The following SDK2 variants were observed in gnomAD, a reference collection of about 807,000 sequenced individuals.
SDK2 encodes the protein protein sidekick-2.
SDK2 carries 105 observed loss-of-function variants against 253.9 expected under a neutral mutation model. The observed-to-expected ratio is 0.41, with a 90% confidence interval of 0.35 to 0.49. The LOEUF is 0.49. Ranked by LOEUF, SDK2 falls within the 20% of genes least tolerant of loss-of-function variation. The pLI, the probability that SDK2 is intolerant of heterozygous loss-of-function variation, is 0.06. For missense variants in SDK2, 2,608 were observed against 3,003.0 expected, an observed-to-expected ratio of 0.87 and a Z score of 3.07; for synonymous variants, 1,249 against 1,234.9, an observed-to-expected ratio of 1.01 and a Z score of -0.24.
chr17:73,356,334 G>A (rs1398830656), intron 40 of SDK2, among the ~76,000 whole-genome samples: 1 of 152,190 alleles, frequency 6.6e-6, no homozygotes, highest in African/African-American at 2.4e-5. Flanking sequence ...TGAGTCAACC[G>A]GGCCAGGCCA....
intron 27 of SDK2, among the ~76,000 whole-genome samples, chr17:73,392,512 G>C (rs1243524154): frequency 6.6e-6 from 1 of 152,080 alleles, no homozygotes; most frequent in Non-Finnish European, 1.5e-5. Context: ...CAAGTGGTCT[G>C]CCTGCCTTGG....
chr17:73,357,724 T>G (rs1599480343), intron 40 of SDK2: 1 of 338,434 alleles, frequency 3.0e-6, no homozygotes, highest in Non-Finnish European at 5.5e-6. Context: ...GCAGCCAGGG[T>G]CTTCTTAGTT....
intron 1 of SDK2, among the ~76,000 whole-genome samples, chr17:73,564,532 G>T (rs749348123): frequency 6.6e-6 from 1 of 152,116 alleles, no homozygotes; most frequent in South Asian, 2.1e-4. Context: ...ACATTAAAAC[G>T]AAACAGCTGG....
Position 73,338,743 on chromosome 17 carries a change from G to C in SDK2, c.6363C>G (p.Thr2121=). ...TGGGCCGAAAGAGGCTGCCCTGCTG[G>C]GTGCTGGTGCTGTTGGTGACGGTGG... ...DHTTVTNSTS[T]QQGSLFRPKA... Residue 2121 remains threonine (T), a synonymous_variant, in exon 45 of 45, where the codon ACC becomes ACG. Transcript: ENST00000392650. The surrounding 1 kb of genome is among the most constrained non-coding windows in gnomAD (Gnocchi z 5.0). 6.2e-7 allele frequency: 1 copy of C among 1,613,668 alleles called. No homozygotes were observed. Among genetic ancestry groups the C allele is most frequent in the Non-Finnish European group, 8.5e-7 (1 of 1,179,776 alleles).
chr17:73,634,936 A>C (rs1179454514), intron 1 of SDK2, among the ~76,000 whole-genome samples: 1 of 152,098 alleles, frequency 6.6e-6, no homozygotes, highest in Non-Finnish European at 1.5e-5. Context: ...TCACCCAGGC[A>C]GTAAATGACA....
intron 36 of SDK2, among the ~76,000 whole-genome samples, chr17:73,374,526 G>C (rs1355224309): frequency 7.0e-6 from 1 of 142,266 alleles, no homozygotes; most frequent in Non-Finnish European, 1.5e-5. Flanking sequence ...GGAGTACAGT[G>C]GCGTGATCTT....
At chr17:73,482,449 C>T (rs2063731744) in intron 2 of SDK2, among the ~76,000 whole-genome samples, 1 of 152,206 alleles carries the variant, frequency 6.6e-6, no homozygotes, top group Non-Finnish European at 1.5e-5. Flanking sequence ...TGTCTCAGGG[C>T]CTGCTGGCCA....
intron 40 of SDK2, among the ~76,000 whole-genome samples, chr17:73,353,827 C>G (rs753095459): frequency 6.6e-6 from 1 of 151,120 alleles, no homozygotes; most frequent in Non-Finnish European, 1.5e-5. Context: ...CCTCAGCCTC[C>G]CGGATAGCTG....
chr17:73,578,892 C>G (rs1250811377), intron 1 of SDK2, among the ~76,000 whole-genome samples: 1 of 152,090 alleles, frequency 6.6e-6, no homozygotes, highest in African/African-American at 2.4e-5. Context: ...CCTCACTTCT[C>G]TCTCTGCCCA....
At chr17:73,549,063 G>A (rs1000458375) in intron 1 of SDK2, among the ~76,000 whole-genome samples, 23 of 152,336 alleles carry the variant, frequency 1.5e-4, no homozygotes, top group African/African-American at 5.3e-4. Context: ...GTTGTTGGCC[G>A]AGGTGCTGGG....
At chr17:73,456,346 A>G (rs989836318) in intron 3 of SDK2, among the ~76,000 whole-genome samples, 3 of 152,154 alleles carry the variant, frequency 2.0e-5, no homozygotes, top group African/African-American at 7.2e-5. Context: ...AAACTGCTCA[A>G]ATGGGCTCCG....
intron 2 of SDK2, among the ~76,000 whole-genome samples, chr17:73,476,868 T>TACCCCTCTGC (rs1172604261): frequency 1.3e-5 from 2 of 152,180 alleles, no homozygotes; most frequent in Non-Finnish European, 2.9e-5. Flanking sequence ...CCGCCCTCTG[T>TACCCCTCTGC]ACCCCTCTGC....
At chr17:73,401,607 T>G in intron 20 of SDK2, 47 bp downstream of exon 20, 1 of 1,506,184 alleles carries the variant, frequency 6.6e-7, no homozygotes, top group Non-Finnish European at 9.1e-7. Flanking sequence ...CTCTGACCTT[T>G]CCCAGCCCTG....
intron 34 of SDK2, among the ~76,000 whole-genome samples, chr17:73,380,341 C>T (rs1324775675): frequency 6.6e-6 from 1 of 152,178 alleles, no homozygotes; most frequent in Non-Finnish European, 1.5e-5. Flanking sequence ...ACGAAACCCT[C>T]TTGCCTAAGG....
Position 73,379,411 on chromosome 17 carries a change from AG to A in SDK2, c.4864+36del. 6.4e-7 allele frequency: 1 copy of A among 1,551,684 alleles called. No individual in the cohort carries two copies. On this transcript the variant is annotated intron_variant, in intron 35 of 44. Coordinates refer to ENST00000392650, the MANE Select transcript of SDK2 (RefSeq NM_001144952.2). This position sits in a 1 kb window ranked among gnomAD's most constrained non-coding sequence, Gnocchi z 4.5. The stretch of plus-strand genomic sequence containing the variant: ...CAGCTGAACTGGGTGGGGCTGGGAA[AG>A]GCATGCTGGGGCCGGACAGGGCGGG...
intron 1 of SDK2, among the ~76,000 whole-genome samples, chr17:73,535,450 G>T (rs1486512123): frequency 6.6e-6 from 1 of 152,192 alleles, no homozygotes; most frequent in Non-Finnish European, 1.5e-5. Context: ...GCGGGGTGGG[G>T]CATTCTGCAG....
In SDK2 at chr17:73,383,981, G is replaced by A. The variant is rs767046719; in HGVS notation, c.4600C>T (p.Leu1534Phe). 3 of 1,613,916 alleles carry A rather than the reference G, an allele frequency of 1.9e-6. No individual in the cohort carries two copies. The highest frequency in any genetic ancestry group is 3.3e-5 in the Admixed American group (2 of 60,016). The change falls in exon 33 of 45, where the codon CTC becomes TTC. Residue 1534 changes from leucine to phenylalanine, a missense_variant. Around this residue, in one of 2 missense-constraint regions of SDK2, gnomAD observed 1,103 missense variants for 1,143.9 expected, o/e 0.96. Coordinates refer to ENST00000392650, the MANE Select transcript of SDK2 (RefSeq NM_001144952.2). The surrounding 1 kb of genome is among the most constrained non-coding windows in gnomAD (Gnocchi z 4.3). Reference protein sequence around the residue: ...PPAEDKINGILLGFRIRYREL... With the variant: ...PPAEDKINGIFLGFRIRYREL... ...CGGTATCGGATCCGGAAGCCCAGGA[G>A]GATGCCATTGATCTTGTCCTCTGCT...
At chr17:73,623,721 C>T (rs2046163686) in intron 1 of SDK2, among the ~76,000 whole-genome samples, 1 of 152,170 alleles carries the variant, frequency 6.6e-6, no homozygotes, top group Non-Finnish European at 1.5e-5. Context: ...CACCCCGCCC[C>T]AGATCCCGAC....
At chr17:73,382,428 G>T (rs936813762) in intron 33 of SDK2, among the ~76,000 whole-genome samples, 1 of 152,158 alleles carries the variant, frequency 6.6e-6, no homozygotes, top group Non-Finnish European at 1.5e-5. Flanking sequence ...CTAGTGGTCT[G>T]AGTCCAAATC....
Sources: gnomAD v4.1 joint callset for allele counts (sites outside exome capture counted in the v4.1 genomes callset) on GRCh38, gnomAD v4.1.1 for gene constraint, gnomAD v4.1.1 regional missense constraint, Gnocchi (gnomAD v3.1) non-coding constraint, MANE v1.5 for transcripts, NCBI Gene and HGNC (gene_info 2026-07-23, HGNC 2026-07-21) for gene names.